Variants in IGFL2 observed in about 807,000 individuals in gnomAD.
The protein encoded by IGFL2 is IGF like family member 2.
A neutral mutation model predicts 13.9 loss-of-function variants in IGFL2; 7 were observed. That is an observed-to-expected ratio of 0.51 (90% CI 0.29 to 0.95). IGFL2 has a LOEUF of 0.95. Ranked by LOEUF, IGFL2 falls within the 40% of genes least tolerant of loss-of-function variation. The probability of loss-of-function intolerance (pLI) is 0.08; values close to 1 mark genes in which losing one functional copy is unlikely to be tolerated. For missense variants in IGFL2, 138 were observed against 147.8 expected (o/e 0.93, Z 0.34); for synonymous variants, 55 against 55.8 (o/e 0.99, Z 0.07).
At chr19:46,088,586 T>A in the IGFL2 span, among the ~76,000 whole-genome samples, 1 of 152,258 alleles carries the variant, frequency 6.6e-6, no homozygotes, top group Non-Finnish European at 1.5e-5. Flanking sequence ...GTCATTGATT[T>A]ACAAAGATTT....
the IGFL2 span, among the ~76,000 whole-genome samples, chr19:46,128,161 A>C: frequency 6.6e-6 from 1 of 152,096 alleles, no homozygotes; most frequent in African/African-American, 2.4e-5. Flanking sequence ...ATTTTTGTAC[A>C]TTGTACAAAA....
At chr19:46,205,849 G>A in the IGFL2 span, among the ~76,000 whole-genome samples, 1 of 152,134 alleles carries the variant, frequency 6.6e-6, no homozygotes, top group Non-Finnish European at 1.5e-5. Flanking sequence ...TTTTGAGCAT[G>A]GGGCTATGGT....
downstream of IGFL2, among the ~76,000 whole-genome samples, chr19:46,163,290 T>C (rs183366725): frequency 2.0e-3 from 298 of 152,310 alleles, no homozygotes; most frequent in African/African-American, 6.8e-3. Context: ...AGTGTTTATG[T>C]TCCTTCCTCA....
the IGFL2 span, among the ~76,000 whole-genome samples, chr19:46,086,422 C>G: frequency 6.6e-6 from 1 of 152,042 alleles, no homozygotes; most frequent in African/African-American, 2.4e-5. Context: ...CTCCTGTGTT[C>G]AAGAAATTCT....
At chr19:46,155,625 A>G (rs1375173204) in intron 1 of IGFL2, among the ~76,000 whole-genome samples, 1 of 152,216 alleles carries the variant, frequency 6.6e-6, no homozygotes, top group Non-Finnish European at 1.5e-5. Flanking sequence ...GTCCTGCTTT[A>G]TAGTTTGAAA....
chr19:46,167,621 T>C, the IGFL2 span, among the ~76,000 whole-genome samples: 224 of 152,316 alleles, frequency 1.5e-3, no homozygotes, highest in African/African-American at 5.3e-3. Flanking sequence ...ATACATTATC[T>C]ATTATGGACT....
chr19:46,079,555 C>G, the IGFL2 span, among the ~76,000 whole-genome samples: 1 of 152,160 alleles, frequency 6.6e-6, no homozygotes, highest in African/African-American at 2.4e-5. Flanking sequence ...CCATGATCCC[C>G]CAGCCAGCCA....
chr19:46,109,439 C>G, the IGFL2 span, among the ~76,000 whole-genome samples: 10 of 152,062 alleles, frequency 6.6e-5, no homozygotes, highest in African/African-American at 2.4e-4. Flanking sequence ...CTCAGCCTCC[C>G]GAGTAGCTGG....
chr19:46,174,251 G>A, the IGFL2 span, among the ~76,000 whole-genome samples: 91 of 152,330 alleles, frequency 6.0e-4, 1 homozygote, highest in Admixed American at 1.5e-3. Flanking sequence ...AACATGCAGC[G>A]CTGCTTGTTC....
rs538271102 is a variant in IGFL2, at chr19:46,148,335, C to T, written c.19+38C>T. On this transcript the variant is annotated intron_variant, in intron 1 of 3. Transcript: ENST00000377693. ...TTGCCCCAGGTTGAGCTAATGCCTA[C>T]TGTTATCCCTAATGTACCTCTGAAC... 2.5e-5 allele frequency: 38 copies of T among 1,521,360 alleles called. No homozygotes were observed. In the South Asian group the frequency reaches 4.4e-4, roughly 18 times the overall value. The allele number at this position is 1,521,360 out of a possible 1,614,324, so 94.2% of individuals were successfully genotyped here. A position where few individuals can be genotyped will look rare whatever the true frequency, so the allele number is the denominator to read the frequency against.
At chr19:46,206,079 G>C in the IGFL2 span, among the ~76,000 whole-genome samples, 1 of 152,182 alleles carries the variant, frequency 6.6e-6, no homozygotes, top group Admixed American at 6.5e-5. Flanking sequence ...AGAGAGAAGA[G>C]TCCAACCCAG....
chr19:46,142,396 A>G (rs191430758), upstream of IGFL2, among the ~76,000 whole-genome samples: 81 of 152,370 alleles, frequency 5.3e-4, 2 homozygotes, highest in African/African-American at 1.9e-3. Flanking sequence ...CTAGCAGTCT[A>G]TCCAGGGTTT....
Position 46,161,057 on chromosome 19 carries a change from T to C in IGFL2, c.342-13T>C. On this transcript the variant is annotated splice_polypyrimidine_tract_variant and intron_variant, in intron 3 of 3. Coordinates refer to ENST00000377693, the MANE Select transcript of IGFL2 (RefSeq NM_001135113.2). ...CTGTTATTCGTAATTTCTTGGTTTC[T>C]TTTTCTCTGTAGCAGAAGACGTTTT... is the stretch of plus-strand genomic sequence containing the variant. 1 of 1,585,502 alleles carries C rather than the reference T, an allele frequency of 6.3e-7. No individual in the cohort carries two copies. The highest frequency in any genetic ancestry group is 1.3e-5 in the African/African-American group (1 of 74,638).
At chr19:46,099,535 T>C in the IGFL2 span, among the ~76,000 whole-genome samples, 1 of 148,074 alleles carries the variant, frequency 6.8e-6, no homozygotes, top group Non-Finnish European at 1.5e-5. Flanking sequence ...CTTTCTTTCT[T>C]TTTTTTTTTT....
chr19:46,123,073 T>A, the IGFL2 span, among the ~76,000 whole-genome samples: 1 of 151,030 alleles, frequency 6.6e-6, no homozygotes, highest in South Asian at 2.1e-4. Context: ...TAAAGATTGG[T>A]ATACCACCAC....
chr19:46,097,199 T>G, the IGFL2 span, among the ~76,000 whole-genome samples: 1 of 152,380 alleles, frequency 6.6e-6, no homozygotes, highest in East Asian at 1.9e-4. Flanking sequence ...CAGAACTTGT[T>G]AGTGGTCTAT....
chr19:46,124,337 A>G, the IGFL2 span: 1 of 1,603,668 alleles, frequency 6.2e-7, no homozygotes, highest in Non-Finnish European at 8.5e-7. Flanking sequence ...GGAGAAAGGA[A>G]AAAGGTTGAA....
At chr19:46,198,795 T>C in the IGFL2 span, among the ~76,000 whole-genome samples, 1 of 152,196 alleles carries the variant, frequency 6.6e-6, no homozygotes, top group Non-Finnish European at 1.5e-5. Flanking sequence ...GTGTTTAGGC[T>C]GGAGAGCTTC....
At chr19:46,202,025 A>G in the IGFL2 span, among the ~76,000 whole-genome samples, 1 of 151,896 alleles carries the variant, frequency 6.6e-6, no homozygotes, top group African/African-American at 2.4e-5. Context: ...AAGAACTGGG[A>G]CCTCGCTTGG....
Sources: gnomAD v4.1 joint callset for allele counts (sites outside exome capture counted in the v4.1 genomes callset) on GRCh38, gnomAD v4.1.1 for gene constraint, MANE v1.5 for transcripts, NCBI Gene and HGNC (gene_info 2026-07-23, HGNC 2026-07-21) for gene names.